MIPEP: variants seen among roughly 807,000 people sequenced by gnomAD.
MIPEP encodes the protein mitochondrial intermediate peptidase.
A neutral mutation model predicts 90.3 loss-of-function variants in MIPEP; 79 were observed. The observed-to-expected ratio is 0.87, with a 90% confidence interval of 0.73 to 1.05. The LOEUF is 1.05. Ranked by LOEUF, MIPEP falls within the 50% of genes least tolerant of loss-of-function variation. MIPEP has a pLI of 0.00. For missense variants in MIPEP, 940 were observed against 905.6 expected (o/e 1.04, Z -0.49); for synonymous variants, 334 against 315.8 (o/e 1.06, Z -0.61).
At chr13:23,819,002 GTATT>G (rs1953275102) in intron 14 of MIPEP, among the ~76,000 whole-genome samples, 1 of 152,300 alleles carries the variant, frequency 6.6e-6, no homozygotes, top group East Asian at 1.9e-4. Flanking sequence ...AGTTTGTAAA[GTATT>G]TATCTTTTAA....
intron 16 of MIPEP, among the ~76,000 whole-genome samples, chr13:23,782,175 C>T (rs1952789522): frequency 6.6e-6 from 1 of 152,132 alleles, no homozygotes; most frequent in African/African-American, 2.4e-5. Flanking sequence ...CCACATCACA[C>T]TTATTCCAAA....
intron 17 of MIPEP, among the ~76,000 whole-genome samples, chr13:23,757,317 G>C (rs2138512542): frequency 6.6e-6 from 1 of 152,108 alleles, no homozygotes; most frequent in East Asian, 1.9e-4. Context: ...AGATGGATGG[G>C]GAGCGGCTGC....
intron 18 of MIPEP, chr13:23,747,544 G>C (rs1393789008): frequency 2.0e-6 from 1 of 512,692 alleles, no homozygotes; most frequent in African/African-American, 1.9e-5. Context: ...GGAAGGGCAG[G>C]ATAGGAGTAA....
chr13:23,886,320 T>C lies in MIPEP; in HGVS notation c.363+13A>G. On this transcript the variant is annotated intron_variant, in intron 2 of 18. Coordinates refer to ENST00000382172, the MANE Select transcript of MIPEP (RefSeq NM_005932.4). The stretch of plus-strand genomic sequence containing the variant: ...AAGAGAGGTAGCTTCAAGTCTGAGG[T>C]AAAGCACCTTACCAAGTCGGCCACT... 6.7e-7 allele frequency: 1 copy of C among 1,494,058 alleles called. No homozygotes were observed. Among genetic ancestry groups the C allele is most frequent in the Non-Finnish European group, 8.9e-7 (1 of 1,117,998 alleles). The allele number at this position is 1,494,058 out of a possible 1,614,324, so 92.6% of individuals were successfully genotyped here.
chr13:23,854,780 T>C (rs1869976109), intron 10 of MIPEP, among the ~76,000 whole-genome samples: 1 of 151,726 alleles, frequency 6.6e-6, no homozygotes, highest in Non-Finnish European at 1.5e-5. Flanking sequence ...TAATCCCTGC[T>C]ACTCGGGAGG....
chr13:23,851,167 C>G (rs1405674841), intron 10 of MIPEP, among the ~76,000 whole-genome samples: 1 of 152,228 alleles, frequency 6.6e-6, no homozygotes, highest in Non-Finnish European at 1.5e-5. Context: ...ATCACCACCC[C>G]TTTTCTGTCC....
At chr13:23,850,978 T>C (rs549388294) in intron 10 of MIPEP, among the ~76,000 whole-genome samples, 25 of 152,288 alleles carry the variant, frequency 1.6e-4, no homozygotes, top group African/African-American at 5.1e-4. Context: ...AAAAGGGAAA[T>C]AGGCAGAGAT....
intron 8 of MIPEP, among the ~76,000 whole-genome samples, chr13:23,863,513 T>C (rs1593198118): frequency 1.3e-5 from 2 of 152,206 alleles, no homozygotes; most frequent in South Asian, 4.1e-4. Flanking sequence ...GTGTATAAGG[T>C]GTATATGAAA....
intron 16 of MIPEP, among the ~76,000 whole-genome samples, chr13:23,799,689 CA>C (rs916914288): frequency 6.6e-6 from 1 of 152,138 alleles, no homozygotes; most frequent in African/African-American, 2.4e-5. Flanking sequence ...TTGCTGGATG[CA>C]AAAATAAAAC....
chr13:23,810,524 A>G (rs1261387930), intron 14 of MIPEP, among the ~76,000 whole-genome samples: 4 of 152,240 alleles, frequency 2.6e-5, no homozygotes, highest in Admixed American at 2.6e-4. Context: ...TATAACATAC[A>G]GATCCTCTTA....
intron 2 of MIPEP, among the ~76,000 whole-genome samples, chr13:23,885,961 TA>T (rs1422976653): frequency 6.7e-6 from 1 of 150,102 alleles, no homozygotes; most frequent in Non-Finnish European, 1.5e-5. Flanking sequence ...AATGTACACA[TA>T]AAGTGTTCTT....
In MIPEP at chr13:23,775,510, C is replaced by T. The variant is rs1308111484; in HGVS notation, c.1849-15293G>A. ...TCAATATATTCCTTGTAGTTTTTCC[C>T]TTCCATACTCATCCTCAATGCCCAG... On this transcript the variant is annotated intron_variant, in intron 16 of 18. Transcript: ENST00000382172. Among the ~76,000 whole-genome samples, 3 of 152,162 alleles carry T rather than the reference C, an allele frequency of 2.0e-5. No homozygotes were observed. In the East Asian group the frequency reaches 5.8e-4, roughly 29 times the overall value.
chr13:23,879,218 C>T lies in MIPEP; in HGVS notation c.539+50G>A, dbSNP rs372768384. On this transcript the variant is annotated intron_variant, in intron 4 of 18. Coordinates refer to ENST00000382172, the MANE Select transcript of MIPEP (RefSeq NM_005932.4). ...AGGCCCTGAGGGAGAGTCTCCCAAC[C>T]TCACCTCTAGAGTCACAGTCACAAT... The T allele has an allele frequency of 2.9e-5, 33 of 1,134,054 alleles. No homozygotes were observed. In the African/African-American group the frequency reaches 4.5e-4, roughly 15 times the overall value. The allele number at this position is 1,134,054 out of a possible 1,614,324, so 70.2% of individuals were successfully genotyped here.
At chr13:23,759,852 A>G (rs1952521535) in intron 17 of MIPEP, among the ~76,000 whole-genome samples, 1 of 152,148 alleles carries the variant, frequency 6.6e-6, no homozygotes, top group Admixed American at 6.5e-5. Context: ...GACACCACAC[A>G]GCCACCTCTA....
At position 23,889,340 on chromosome 13, in the gene MIPEP, C is replaced by T; in HGVS notation, c.-20G>A. ...CAGCATTCTAGCACCAGAGCAGTCC[C>T]TTCCTCCAACGCAGATCCCTGCCCT... is the stretch of plus-strand genomic sequence containing the variant. On this transcript the variant is annotated 5_prime_UTR_variant, in exon 1 of 19. Transcript: ENST00000382172. 7.6e-7 allele frequency: 1 copy of T among 1,309,396 alleles called. No individual in the cohort carries two copies. The highest frequency in any genetic ancestry group is 9.7e-7 in the Non-Finnish European group (1 of 1,028,362). 81.1% of individuals were successfully genotyped at this position (1,309,396 alleles called of 1,614,324 possible). A position where few individuals can be genotyped will look rare whatever the true frequency, so the allele number is the denominator to read the frequency against.
intron 16 of MIPEP, among the ~76,000 whole-genome samples, chr13:23,775,388 T>C (rs1952704034): frequency 6.6e-6 from 1 of 152,176 alleles, no homozygotes; most frequent in Non-Finnish European, 1.5e-5. Flanking sequence ...CTGTGGGCTT[T>C]TTCTAGGTGC....
chr13:23,822,293 T>C (rs1192282855), intron 14 of MIPEP, among the ~76,000 whole-genome samples: 1 of 152,226 alleles, frequency 6.6e-6, no homozygotes, highest in East Asian at 1.9e-4. Context: ...TCTGTGTTTA[T>C]TTTTAAAAAC....
At chr13:23,770,670 AGCCACTCACCCACCACCAGAGACC>A (rs1160445416) in intron 16 of MIPEP, among the ~76,000 whole-genome samples, 3 of 152,042 alleles carry the variant, frequency 2.0e-5, no homozygotes, top group Non-Finnish European at 1.5e-5. Flanking sequence ...TCACCTTCAG[AGCCACTCACCCACCACCAGAGACC>A]GCCACTGCCC....
Position 23,869,336 on chromosome 13 carries a change from G to A in MIPEP, c.899C>T (p.Thr300Met), listed in dbSNP as rs745394603. 8.7e-6 allele frequency: 14 copies of A among 1,612,370 alleles called. No homozygotes were observed. Among genetic ancestry groups the A allele is most frequent in the African/African-American group, 6.7e-5 (5 of 74,872 alleles). ...DLLAKLVGYS[T>M]FSHRALQGTI... ...TCCTTGGAGAGCCCTGTGAGAAAACGTGGAATACCCCACCAACTTTGCCAG... is the reference window on the plus strand; with the variant it reads ...TCCTTGGAGAGCCCTGTGAGAAAACATGGAATACCCCACCAACTTTGCCAG... The change falls in exon 7 of 19, where the codon ACG becomes ATG. Residue 300 changes from threonine (T) to methionine (M), a missense_variant. Thr to Met is a moderately conservative substitution (Grantham distance 81). Coordinates refer to ENST00000382172, the MANE Select transcript of MIPEP (RefSeq NM_005932.4).
Sources: gnomAD v4.1 joint callset for allele counts (sites outside exome capture counted in the v4.1 genomes callset) on GRCh38, gnomAD v4.1.1 for gene constraint, MANE v1.5 for transcripts, NCBI Gene and HGNC (gene_info 2026-07-23, HGNC 2026-07-21) for gene names.